Variants in FHAD1 observed in about 807,000 individuals in gnomAD.
FHAD1 encodes the protein forkhead-associated domain-containing protein 1.
In FHAD1, 146 loss-of-function variants were observed where a neutral mutation model predicts 191.3. The observed-to-expected ratio is 0.76, with a 90% CI of 0.67 to 0.88. The LOEUF is 0.88. Among genes scored for constraint, FHAD1 ranks in the 40% least tolerant of loss-of-function variants. The probability of loss-of-function intolerance (pLI) is 0.00; values close to 1 mark genes in which losing one functional copy is unlikely to be tolerated. For synonymous variants in FHAD1, 616 were observed against 672.3 expected (o/e 0.92, Z 1.29); for missense variants, 1,635 against 1,785.8 (o/e 0.92, Z 1.52).
chr1:15,289,157 G>C lies in FHAD1; in HGVS notation c.301-242G>C, dbSNP rs1663584144. 6.6e-6 allele frequency among the ~76,000 whole-genome samples: 1 copy of C among 152,130 alleles called. No individual in the cohort carries two copies. The highest frequency in any genetic ancestry group is 2.4e-5 in the African/African-American group (1 of 41,442). ...AGGCCACAAGGCCCAGCTAATTTTT[G>C]AATTTTTGGTGAGGCAGGGTTTTGC... is the stretch of plus-strand genomic sequence containing the variant. On this transcript the variant is annotated intron_variant, in intron 3 of 33. Coordinates refer to ENST00000688493, the MANE Select transcript of FHAD1 (RefSeq NM_001391957.1). This position sits in a 1 kb window ranked among gnomAD's most constrained non-coding sequence, Gnocchi z 4.2.
At chr1:15,290,242 T>C (rs1664097599) in intron 4 of FHAD1, among the ~76,000 whole-genome samples, 1 of 152,054 alleles carries the variant, frequency 6.6e-6, no homozygotes, top group African/African-American at 2.4e-5. Flanking sequence ...ACCTTCAGGG[T>C]GTCCTTCCTT....
intron 14 of FHAD1, among the ~76,000 whole-genome samples, chr1:15,337,067 A>C (rs1188373101): frequency 6.6e-6 from 1 of 152,200 alleles, no homozygotes; most frequent in Non-Finnish European, 1.5e-5. Context: ...GGCTGCCAGG[A>C]AAGTGGTGCA....
chr1:15,298,605 C>G (rs1667664827), intron 5 of FHAD1, among the ~76,000 whole-genome samples: 1 of 152,174 alleles, frequency 6.6e-6, no homozygotes, highest in Admixed American at 6.5e-5. Context: ...CTCTTAAGAA[C>G]TTGCTTGGAG....
upstream of FHAD1, among the ~76,000 whole-genome samples, chr1:15,243,587 G>A (rs148304548): frequency 6.6e-6 from 1 of 152,328 alleles, no homozygotes; most frequent in East Asian, 1.9e-4. Context: ...GCTCTCCCCA[G>A]GCAAGAACAG....
intron 16 of FHAD1, among the ~76,000 whole-genome samples, chr1:15,343,303 G>C (rs913697048): frequency 6.6e-6 from 1 of 152,098 alleles, no homozygotes; most frequent in Non-Finnish European, 1.5e-5. Context: ...CCACGGTTGC[G>C]AGCCACTGTT....
chr1:15,293,913 G>T (rs1266127174), intron 4 of FHAD1, among the ~76,000 whole-genome samples: 1 of 152,156 alleles, frequency 6.6e-6, no homozygotes, highest in African/African-American at 2.4e-5. Context: ...AACTTGGGAA[G>T]TGAGTGAGCC....
At chr1:15,290,471 C>A (rs921913869) in intron 4 of FHAD1, among the ~76,000 whole-genome samples, 2 of 152,144 alleles carry the variant, frequency 1.3e-5, no homozygotes, top group African/African-American at 2.4e-5. Flanking sequence ...CATCTCCCAG[C>A]GGCTTCCATA....
Position 15,308,729 on chromosome 1 carries a change from C to G in FHAD1, c.1032C>G (p.Ile344Met). 3.2e-6 allele frequency: 5 copies of G among 1,551,700 alleles called. No homozygotes were observed. Among genetic ancestry groups the G allele is most frequent in the Non-Finnish European group, 4.4e-6 (5 of 1,146,974 alleles). ...AGAACTTAAAGAGAGACAACGCTAT[C>G]ACATCAGGTGAGCCCTTGGAGTCGG... ...EGENLKRDNAITSGMVSSLQK... is the reference protein window; with the variant it reads ...EGENLKRDNAMTSGMVSSLQK... Residue 344 changes from isoleucine to methionine, a missense_variant, in exon 7 of 34, where the codon ATC (isoleucine) becomes ATG (methionine). Coordinates refer to ENST00000688493, the MANE Select transcript of FHAD1 (RefSeq NM_001391957.1).
Position 15,367,506 on chromosome 1 carries a change from G to A in FHAD1, c.3198G>A (p.Val1066=). ...EKQKMELEQN[V]VLVQQQSKEL... ...AGAAGATGGAACTGGAGCAGAACGT[G>A]GTGCTGGTCCAGCAGCAGAGCAAGG... Residue 1066 remains valine, a synonymous_variant, in exon 25 of 34, where the codon GTG becomes GTA. Transcript: ENST00000688493. 6.4e-7 allele frequency: 1 copy of A among 1,551,354 alleles called. No individual in the cohort carries two copies. The highest frequency in any genetic ancestry group is 8.7e-7 in the Non-Finnish European group (1 of 1,146,938).
At chr1:15,368,349 C>G (rs1474250641) in intron 25 of FHAD1, among the ~76,000 whole-genome samples, 3 of 152,020 alleles carry the variant, frequency 2.0e-5, no homozygotes. Flanking sequence ...GATTTCCCAG[C>G]CCAGCACATA....
intron 10 of FHAD1, among the ~76,000 whole-genome samples, chr1:15,319,485 G>A (rs546390968): frequency 1.3e-5 from 2 of 152,096 alleles, no homozygotes; most frequent in Non-Finnish European, 2.9e-5. Flanking sequence ...TCTTGTCCAG[G>A]TGCAGTAGCT....
chr1:15,270,112 T>C (rs1377411601), intron 2 of FHAD1, among the ~76,000 whole-genome samples: 2 of 152,092 alleles, frequency 1.3e-5, no homozygotes. Context: ...GTTTTCACCA[T>C]GTTGGCCAGG....
intron 31 of FHAD1, 137 bp from the exon 32 acceptor site, chr1:15,387,914 T>C (rs1035829630): frequency 1.5e-5 from 6 of 391,608 alleles, no homozygotes; most frequent in African/African-American, 1.3e-4. Context: ...TCTCCCGCAG[T>C]GATCCCTTAT....
In FHAD1 at chr1:15,296,754, G is replaced by A. The variant is rs746936223; in HGVS notation, c.639G>A (p.Ala213=). 49 of 1,551,682 alleles carry A rather than the reference G, an allele frequency of 3.2e-5. No individual in the cohort carries two copies. The South Asian group carries it at 4.0e-4, about 13-fold the overall frequency. The part of the protein sequence containing the change: ...AEGIPGAVPP[A]EIYVEEDLAQ... ...GGATTCCTGGGGCAGTTCCCCCTGC[G>A]GAGATTTATGTGGAGGAGGACTTGG... The change falls in exon 5 of 34, where the codon GCG becomes GCA. Residue 213 remains alanine, a synonymous_variant. Transcript: ENST00000688493.
chr1:15,300,488 T>G (rs973093931), intron 5 of FHAD1, among the ~76,000 whole-genome samples: 17 of 152,244 alleles, frequency 1.1e-4, no homozygotes, highest in African/African-American at 4.1e-4. Flanking sequence ...AGCCCCATTA[T>G]AGTCAGAATG....
intron 31 of FHAD1, 30 bp from the exon 32 acceptor site, chr1:15,388,019 ACT>A (rs1702601757): frequency 8.1e-7 from 1 of 1,235,038 alleles, no homozygotes; most frequent in African/African-American, 1.5e-5. Flanking sequence ...TAAGGTTAGC[ACT>A]CTCTTGCTAA....
chr1:15,399,066 C>A (rs1420560961), downstream of FHAD1, among the ~76,000 whole-genome samples: 2 of 152,190 alleles, frequency 1.3e-5, no homozygotes, highest in South Asian at 2.1e-4. Flanking sequence ...AGGTGATCCA[C>A]CCACCTTGGC....
intron 10 of FHAD1, among the ~76,000 whole-genome samples, chr1:15,319,158 T>C (rs1675493361): frequency 6.6e-6 from 1 of 152,134 alleles, no homozygotes; most frequent in South Asian, 2.1e-4. Context: ...AGAACAAATC[T>C]AAAAGGCAGA....
downstream of FHAD1, chr1:15,400,351 C>G (rs1296358358): frequency 6.6e-6 from 1 of 152,246 alleles, no homozygotes; most frequent in Non-Finnish European, 1.5e-5. Flanking sequence ...CTTAAAATGA[C>G]AAATATTTAT....
Sources: allele counts gnomAD v4.1 joint callset (sites outside exome capture counted in the v4.1 genomes callset), GRCh38; gene constraint gnomAD v4.1.1; non-coding constraint Gnocchi (gnomAD v3.1); transcripts MANE v1.5; gene names NCBI Gene and HGNC (gene_info 2026-07-23, HGNC 2026-07-21).